TOX: variants seen among roughly 807,000 people sequenced by gnomAD.
TOX encodes the protein thymocyte selection-associated high mobility group box protein TOX.
A neutral mutation model predicts 53.7 loss-of-function variants in TOX; 11 were observed. That is an observed-to-expected ratio of 0.20 (90% CI 0.13 to 0.34). TOX has a LOEUF of 0.34. TOX is among the 10% of genes least tolerant of loss of function. TOX has a pLI of 1.00. For synonymous variants in TOX, 225 were observed against 245.3 expected, an observed-to-expected ratio of 0.92 and a Z score of 0.77; for missense variants, 570 against 664.6, an observed-to-expected ratio of 0.86 and a Z score of 1.56.
At chr8:59,002,408 C>T (rs1184631582) in intron 1 of TOX, among the ~76,000 whole-genome samples, 15 of 151,314 alleles carry the variant, frequency 9.9e-5, no homozygotes, top group East Asian at 5.9e-4. Context: ...CTGGCTAACA[C>T]GGTGAAACCC....
At chr8:58,931,949 G>A (rs1812261870) in intron 3 of TOX, among the ~76,000 whole-genome samples, 1 of 152,070 alleles carries the variant, frequency 6.6e-6, no homozygotes, top group Admixed American at 6.6e-5. Context: ...TACTATTAAG[G>A]AGAACTCTAG....
chr8:58,862,741 T>C (rs528524170), intron 3 of TOX, among the ~76,000 whole-genome samples: 1 of 152,268 alleles, frequency 6.6e-6, no homozygotes, highest in African/African-American at 2.4e-5. Flanking sequence ...CCATAGTCTT[T>C]AACTAGACTA....
intron 1 of TOX, among the ~76,000 whole-genome samples, chr8:59,025,734 C>T (rs1814223579): frequency 6.6e-6 from 1 of 152,100 alleles, no homozygotes; most frequent in African/African-American, 2.4e-5. Context: ...CTCCTGTTTC[C>T]CCAGGCAGAT....
At chr8:58,939,777 T>C (rs79082869) in intron 2 of TOX, among the ~76,000 whole-genome samples, 5,265 of 152,352 alleles carry the variant, frequency 0.035, 305 homozygotes, top group African/African-American at 0.12. Flanking sequence ...GGTTTTATTT[T>C]TCCAAAAAGC....
chr8:58,812,038 T>C (rs1239292309), intron 7 of TOX, among the ~76,000 whole-genome samples: 1 of 152,148 alleles, frequency 6.6e-6, no homozygotes, highest in Non-Finnish European at 1.5e-5. Flanking sequence ...GTCTGGTGTT[T>C]GGATGTGTCC....
chr8:58,842,926 T>G (rs1282012287), intron 4 of TOX, among the ~76,000 whole-genome samples: 5 of 152,252 alleles, frequency 3.3e-5, no homozygotes, highest in African/African-American at 1.2e-4. Flanking sequence ...CTCAAAGTTT[T>G]GTTTAATAGA....
At chr8:58,845,477 T>C (rs997029129) in intron 4 of TOX, among the ~76,000 whole-genome samples, 1 of 152,166 alleles carries the variant, frequency 6.6e-6, no homozygotes. Flanking sequence ...CAAATAAGCA[T>C]GGAAAGTAAG....
intron 6 of TOX, 133 bp from the exon 7 acceptor site, chr8:58,815,857 A>G: frequency 1.0e-6 from 1 of 965,264 alleles, no homozygotes; most frequent in Non-Finnish European, 1.5e-6. Context: ...TCTCTGATCT[A>G]AGAATTTCTT....
intron 8 of TOX, 62 bp from the exon 9 acceptor site, chr8:58,807,845 G>T: frequency 6.3e-7 from 1 of 1,592,870 alleles, no homozygotes; most frequent in South Asian, 1.1e-5. Context: ...AGGTGACAAT[G>T]GGGGGATGGA....
intron 2 of TOX, among the ~76,000 whole-genome samples, chr8:58,939,959 G>A (rs1162099684): frequency 1.3e-5 from 2 of 152,170 alleles, no homozygotes; most frequent in East Asian, 3.8e-4. Context: ...TAATAAAAAC[G>A]AATTCCAGAA....
rs140087667 is a variant in TOX at position 58,926,430 on chromosome 8, C to A, written c.411+12872G>T. 4.0e-3 allele frequency among the ~76,000 whole-genome samples: 607 copies of A among 152,236 alleles called. 1 individual carries two copies. Among genetic ancestry groups the A allele is most frequent in the African/African-American group, 0.014 (570 of 41,538 alleles). On this transcript the variant is annotated intron_variant, in intron 3 of 8. Coordinates refer to ENST00000361421, the MANE Select transcript of TOX (RefSeq NM_014729.3). The stretch of plus-strand genomic sequence containing the variant: ...GCCACGTCAATTTATCATTCTTGAA[C>A]GGGAATGAAGAAAAGTTGGCTGAGT...
At chr8:59,113,679 G>T (rs187081170) in intron 1 of TOX, among the ~76,000 whole-genome samples, 7 of 152,176 alleles carry the variant, frequency 4.6e-5, no homozygotes, top group Non-Finnish European at 7.4e-5. Flanking sequence ...TTAAGATTGG[G>T]GAGGAGACTA....
At chr8:58,930,541 G>C (rs1317490629) in intron 3 of TOX, among the ~76,000 whole-genome samples, 1 of 152,182 alleles carries the variant, frequency 6.6e-6, no homozygotes, top group Non-Finnish European at 1.5e-5. Context: ...AGCAATTCTT[G>C]ACACATGAAG....
Position 58,826,920 on chromosome 8 carries a change from A to G in TOX, c.925-18T>C. The G allele has an allele frequency of 6.2e-7, 1 of 1,605,590 alleles. No individual in the cohort carries two copies. The highest frequency in any genetic ancestry group is 8.5e-7 in the Non-Finnish European group (1 of 1,176,700). On this transcript the variant is annotated intron_variant, in intron 5 of 8. Coordinates refer to ENST00000361421, the MANE Select transcript of TOX (RefSeq NM_014729.3). The stretch of plus-strand genomic sequence containing the variant: ...TTATAGACCTGCAACAACAGCAAAG[A>G]GTCTTAAATTAGAAAGTGCATTTGC...
intron 1 of TOX, among the ~76,000 whole-genome samples, chr8:59,100,240 T>G (rs1188386383): frequency 2.6e-5 from 4 of 152,202 alleles, no homozygotes; most frequent in Non-Finnish European, 5.9e-5. Context: ...CACAAGTAAA[T>G]ATCCAACATT....
At chr8:58,913,368 TTC>T (rs1265649790) in intron 3 of TOX, among the ~76,000 whole-genome samples, 10 of 152,200 alleles carry the variant, frequency 6.6e-5, no homozygotes, top group Non-Finnish European at 1.2e-4. Context: ...TTTGTTTTCC[TTC>T]CCTTTTGGCA....
At chr8:58,925,096 G>A (rs868239180) in intron 3 of TOX, among the ~76,000 whole-genome samples, 10 of 152,030 alleles carry the variant, frequency 6.6e-5, no homozygotes, top group Non-Finnish European at 1.0e-4. Flanking sequence ...CACCATTCAC[G>A]CCACAGCTTC....
At chr8:58,959,820 G>C in intron 2 of TOX, 123 bp downstream of exon 2, 1 of 1,094,254 alleles carries the variant, frequency 9.1e-7, no homozygotes, top group Non-Finnish European at 1.4e-6. Context: ...TAAATGCTTT[G>C]TTTATAAATT....
intron 2 of TOX, among the ~76,000 whole-genome samples, chr8:58,959,549 GT>G (rs1359393018): frequency 6.6e-6 from 1 of 152,166 alleles, no homozygotes; most frequent in Non-Finnish European, 1.5e-5. Context: ...GTTACGTTTT[GT>G]TGAAAATGGC....
Sources: allele counts gnomAD v4.1 joint callset (sites outside exome capture counted in the v4.1 genomes callset), GRCh38; gene constraint gnomAD v4.1.1; transcripts MANE v1.5; gene names NCBI Gene and HGNC (gene_info 2026-07-23, HGNC 2026-07-21).